Variants in MAGI2 observed in about 807,000 individuals in gnomAD.
The protein encoded by MAGI2 is membrane associated guanylate kinase, WW and PDZ domain containing 2.
Under a neutral mutation model 133.3 loss-of-function variants are expected in MAGI2, and 35 were observed. The ratio of observed to expected loss-of-function variants is 0.26; its 90% CI spans 0.20 to 0.35. The LOEUF is 0.35. MAGI2 is among the 10% of genes least tolerant of loss of function. The pLI is 1.00. For synonymous variants in MAGI2, 729 were observed against 710.6 expected, an observed-to-expected ratio of 1.03 and a Z score of -0.41; for missense variants, 1,636 against 1,863.4, an observed-to-expected ratio of 0.88 and a Z score of 2.25.
chr7:79,077,596 T>TA lies in MAGI2; in HGVS notation c.302-70391dup, dbSNP rs1386891932. Among the ~76,000 whole-genome samples, 4 of 40,130 alleles carry TA rather than the reference T, an allele frequency of 1.0e-4. 1 individual carries two copies. The highest frequency in any genetic ancestry group is 6.0e-4 in the South Asian group (1 of 1,662). 26.3% of individuals were successfully genotyped at this position (40,130 alleles called of 152,430 possible). ...TCTCAAAAAAAAAAAAAAAAAAAAATAAATAAATAAATAAATTCCCTTTTG... is the reference window on the plus strand; with the variant it reads ...TCTCAAAAAAAAAAAAAAAAAAAAATAAAATAAATAAATAAATTCCCTTTTG... On this transcript the variant is annotated intron_variant, in intron 1 of 21. Coordinates refer to ENST00000354212, the MANE Select transcript of MAGI2 (RefSeq NM_012301.4).
At chr7:78,809,481 C>T (rs1391925950) in intron 2 of MAGI2, among the ~76,000 whole-genome samples, 1 of 152,212 alleles carries the variant, frequency 6.6e-6, no homozygotes, top group Non-Finnish European at 1.5e-5. Flanking sequence ...TGTCTTGGAA[C>T]TACCCACAGG....
chr7:78,340,356 C>G (rs1193610679), intron 9 of MAGI2, among the ~76,000 whole-genome samples: 2 of 152,132 alleles, frequency 1.3e-5, no homozygotes, highest in Non-Finnish European at 1.5e-5. Context: ...GACAGATTCA[C>G]AGCTGAATTC....
At chr7:78,289,516 G>A (rs1162399530) in intron 9 of MAGI2, among the ~76,000 whole-genome samples, 1 of 152,166 alleles carries the variant, frequency 6.6e-6, no homozygotes, top group Non-Finnish European at 1.5e-5. Flanking sequence ...AACCAAGTTG[G>A]AAAACACTCT....
chr7:78,930,506 T>C (rs943351770), intron 2 of MAGI2, among the ~76,000 whole-genome samples: 1 of 152,104 alleles, frequency 6.6e-6, no homozygotes, highest in African/African-American at 2.4e-5. Flanking sequence ...TCAGATTCAA[T>C]GGGTTAATCT....
chr7:78,990,913 C>CACACACACACACAA lies in MAGI2; in HGVS notation c.418+16176_418+16177insTTGTGTGTGTGTGT, dbSNP rs1308712537. Among the ~76,000 whole-genome samples, 12 of 144,544 alleles carry CACACACACACACAA rather than the reference C, an allele frequency of 8.3e-5. 1 individual carries two copies. The highest frequency in any genetic ancestry group is 3.1e-4 in the African/African-American group (11 of 35,512). 94.8% of individuals were successfully genotyped at this position (144,544 alleles called of 152,430 possible). On this transcript the variant is annotated intron_variant, in intron 2 of 21. Coordinates refer to ENST00000354212, the MANE Select transcript of MAGI2 (RefSeq NM_012301.4). ...GAGATTTTATATGTACATACACACA[C>CACACACACACACAA]ACACACACACACACACACACACACA...
chr7:78,167,076 G>A (rs920640225), intron 15 of MAGI2, among the ~76,000 whole-genome samples: 32 of 152,126 alleles, frequency 2.1e-4, no homozygotes, highest in African/African-American at 6.0e-4. Context: ...CCAGCGGGCC[G>A]CTGGGGCAGA....
intron 20 of MAGI2, among the ~76,000 whole-genome samples, chr7:78,120,139 A>C (rs1214763813): frequency 6.6e-6 from 1 of 152,240 alleles, no homozygotes. Flanking sequence ...ACAGTGGCTC[A>C]TGCCTGTAAT....
chr7:78,905,615 G>A (rs1193111466), intron 2 of MAGI2, among the ~76,000 whole-genome samples: 1 of 152,154 alleles, frequency 6.6e-6, no homozygotes, highest in Non-Finnish European at 1.5e-5. Context: ...TTATGATTTA[G>A]ATGTCAGGCT....
chr7:78,288,379 A>ATTAAAGTAATCATGTACTGTTTAAC (rs1796364008), intron 9 of MAGI2, among the ~76,000 whole-genome samples: 1 of 152,230 alleles, frequency 6.6e-6, no homozygotes, highest in Non-Finnish European at 1.5e-5. Context: ...GTAATTCAAA[A>ATTAAAGTAATCATGTACTGTTTAAC]TTAAAGTAAT....
intron 3 of MAGI2, among the ~76,000 whole-genome samples, chr7:78,529,737 G>T (rs1465743773): frequency 3.4e-5 from 4 of 117,026 alleles, no homozygotes; most frequent in African/African-American, 1.3e-4. Context: ...GGCTGGTCTC[G>T]AACTCCTAGC....
intron 3 of MAGI2, among the ~76,000 whole-genome samples, chr7:78,593,977 C>A (rs576545803): frequency 6.6e-6 from 1 of 152,300 alleles, no homozygotes; most frequent in South Asian, 2.1e-4. Context: ...CCAAACATAT[C>A]ACATTCAAGG....
At chr7:78,671,464 C>A (rs1480259717) in intron 2 of MAGI2, among the ~76,000 whole-genome samples, 2 of 152,070 alleles carry the variant, frequency 1.3e-5, no homozygotes, top group African/African-American at 4.8e-5. Context: ...CATGGACATG[C>A]CCCAAATTTC....
At chr7:78,251,761 C>A (rs1792407442) in intron 10 of MAGI2, 1 of 152,134 alleles carries the variant, frequency 6.6e-6, no homozygotes, top group African/African-American at 2.4e-5. Context: ...TTAAAAGGTT[C>A]AATGTTGGCA....
At chr7:78,097,206 C>T (rs1188899999) in intron 20 of MAGI2, among the ~76,000 whole-genome samples, 6 of 152,290 alleles carry the variant, frequency 3.9e-5, no homozygotes, top group Non-Finnish European at 8.8e-5. Flanking sequence ...AGCTTATACA[C>T]TATTGGTGGA....
intron 21 of MAGI2, among the ~76,000 whole-genome samples, chr7:78,033,171 T>C (rs2151065843): frequency 6.6e-6 from 1 of 152,240 alleles, no homozygotes; most frequent in African/African-American, 2.4e-5. Flanking sequence ...TCAGGATATC[T>C]TTTTGAAGAT....
chr7:79,209,130 A>T (rs1052006191), intron 1 of MAGI2, among the ~76,000 whole-genome samples: 1 of 152,034 alleles, frequency 6.6e-6, no homozygotes, highest in Non-Finnish European at 1.5e-5. Context: ...GTATTCAATA[A>T]TACGTTGTAT....
chr7:78,801,612 GT>G (rs35038628), intron 2 of MAGI2, among the ~76,000 whole-genome samples: 1 of 151,634 alleles, frequency 6.6e-6, no homozygotes, highest in Non-Finnish European at 1.5e-5. Context: ...AATAAAAAGG[GT>G]TTTTTTTGGT....
chr7:78,959,308 G>C (rs772023753), intron 2 of MAGI2, among the ~76,000 whole-genome samples: 8 of 152,036 alleles, frequency 5.3e-5, no homozygotes, highest in Non-Finnish European at 1.0e-4. Flanking sequence ...AAATGGCATT[G>C]TTCTTCAGGA....
intron 20 of MAGI2, among the ~76,000 whole-genome samples, chr7:78,092,882 TC>T (rs1374108231): frequency 6.6e-6 from 1 of 152,062 alleles, no homozygotes; most frequent in East Asian, 1.9e-4. Flanking sequence ...AAAAAATGAC[TC>T]CTGCATCCAA....
Sources: gnomAD v4.1 joint callset for allele counts (sites outside exome capture counted in the v4.1 genomes callset) on GRCh38, gnomAD v4.1.1 for gene constraint, MANE v1.5 for transcripts, NCBI Gene and HGNC (gene_info 2026-07-23, HGNC 2026-07-21) for gene names.